NR3C2: variants seen among roughly 807,000 people sequenced by gnomAD.
NR3C2 encodes the protein nuclear receptor subfamily 3 group C member 2, also known as mineralocorticoid receptor.
Under a neutral mutation model 86.4 loss-of-function variants are expected in NR3C2, and 15 were observed. The ratio of observed to expected loss-of-function variants is 0.17; its 90% CI spans 0.12 to 0.27. NR3C2 has a LOEUF of 0.27. NR3C2 is among the 10% of genes least tolerant of loss of function. NR3C2 has a pLI of 1.00. For synonymous variants in NR3C2, 458 were observed against 450.5 expected, an observed-to-expected ratio of 1.02 and a Z score of -0.21; for missense variants, 960 against 1,195.6, an observed-to-expected ratio of 0.80 and a Z score of 2.91.
intron 6 of NR3C2, among the ~76,000 whole-genome samples, chr4:148,131,114 G>A (rs1272714129): frequency 6.6e-6 from 1 of 152,140 alleles, no homozygotes; most frequent in East Asian, 1.9e-4. Flanking sequence ...TTACAGGCGT[G>A]AGTCATCGCG....
chr4:148,442,748 TG>T (rs1750418030), upstream of NR3C2: 1 of 985,248 alleles, frequency 1.0e-6, no homozygotes, highest in Non-Finnish European at 1.2e-6. Flanking sequence ...GGCGGGAGCT[TG>T]GGGTGCCGGG....
intron 2 of NR3C2, among the ~76,000 whole-genome samples, chr4:148,426,070 C>A (rs947573658): frequency 6.6e-6 from 1 of 152,164 alleles, no homozygotes; most frequent in Non-Finnish European, 1.5e-5. Context: ...ATTTCACCTG[C>A]CAAACAAAAT....
chr4:148,211,394 T>A (rs1737275917), intron 3 of NR3C2, among the ~76,000 whole-genome samples: 1 of 152,224 alleles, frequency 6.6e-6, no homozygotes, highest in African/African-American at 2.4e-5. Context: ...AATTTTTCAT[T>A]AGGTGTAAGA....
intron 2 of NR3C2, among the ~76,000 whole-genome samples, chr4:148,281,013 G>A (rs908174725): frequency 6.6e-6 from 1 of 152,212 alleles, no homozygotes; most frequent in African/African-American, 2.4e-5. Flanking sequence ...CGCTCCTTGG[G>A]CTAGAGCTGT....
chr4:148,231,970 C>T (rs1379596656), intron 3 of NR3C2, among the ~76,000 whole-genome samples: 1 of 152,186 alleles, frequency 6.6e-6, no homozygotes, highest in Non-Finnish European at 1.5e-5. Context: ...TCAGTCACAT[C>T]TTCACGGTCC....
intron 3 of NR3C2, among the ~76,000 whole-genome samples, chr4:148,206,827 T>C (rs1737032354): frequency 6.6e-6 from 1 of 152,178 alleles, no homozygotes; most frequent in Non-Finnish European, 1.5e-5. Flanking sequence ...TATGACAGCA[T>C]GAGCTGAAAG....
At chr4:148,164,429 A>G (rs946394474) in intron 4 of NR3C2, among the ~76,000 whole-genome samples, 1 of 152,222 alleles carries the variant, frequency 6.6e-6, no homozygotes. Context: ...ATCTAAATCA[A>G]ATTTACATTC....
chr4:148,285,509 T>A (rs1204614287), intron 2 of NR3C2, among the ~76,000 whole-genome samples: 3 of 152,004 alleles, frequency 2.0e-5, no homozygotes, highest in Non-Finnish European at 4.4e-5. Context: ...GAGATTGAGA[T>A]CATCCTGGCC....
At chr4:148,328,082 G>T (rs1408595889) in intron 2 of NR3C2, among the ~76,000 whole-genome samples, 1 of 152,192 alleles carries the variant, frequency 6.6e-6, no homozygotes, top group Admixed American at 6.5e-5. Flanking sequence ...CCGGCTTGCT[G>T]CCAGGACTCT....
chr4:148,311,156 C>T (rs1717742330), intron 2 of NR3C2, among the ~76,000 whole-genome samples: 3 of 152,144 alleles, frequency 2.0e-5, no homozygotes, highest in African/African-American at 7.2e-5. Flanking sequence ...CTTATCTTCC[C>T]AGTGGGTTGA....
intron 2 of NR3C2, among the ~76,000 whole-genome samples, chr4:148,348,446 T>C (rs1342696736): frequency 6.6e-6 from 1 of 152,170 alleles, no homozygotes; most frequent in Non-Finnish European, 1.5e-5. Context: ...GCTCAGAAAA[T>C]ATTAGTAGAA....
intron 4 of NR3C2, among the ~76,000 whole-genome samples, chr4:148,167,784 A>G (rs1295826695): frequency 6.6e-6 from 1 of 152,222 alleles, no homozygotes; most frequent in Non-Finnish European, 1.5e-5. Context: ...TGTTAAGCGA[A>G]ATGGAAAGAG....
chr4:148,430,571 T>C (rs982698880), intron 2 of NR3C2, among the ~76,000 whole-genome samples: 1 of 152,114 alleles, frequency 6.6e-6, no homozygotes, highest in Non-Finnish European at 1.5e-5. Flanking sequence ...AAAATCAAAA[T>C]ATTATGAGAC....
In NR3C2 at chr4:148,248,796, AT is replaced by A. The variant is rs1296584517; in HGVS notation, c.1897+11181del. On this transcript the variant is annotated intron_variant, in intron 3 of 8. Transcript: ENST00000358102. Reference sequence around the variant, plus strand: ...TGTACATAAAGTAGCCACAGTTTAAATATTCCAAATTTTATTGAGAACCAAG... The same window carrying A: ...TGTACATAAAGTAGCCACAGTTTAAAATTCCAAATTTTATTGAGAACCAAG... Among the ~76,000 whole-genome samples, 3 of 152,228 alleles carry A rather than the reference AT, an allele frequency of 2.0e-5. No individual in the cohort carries two copies. In the East Asian group the frequency reaches 5.8e-4, roughly 29 times the overall value.
chr4:148,118,728 T>A (rs1732380399), intron 7 of NR3C2, among the ~76,000 whole-genome samples: 1 of 152,132 alleles, frequency 6.6e-6, no homozygotes, highest in African/African-American at 2.4e-5. Flanking sequence ...GATGTTAACA[T>A]ATTCCTATTA....
At chr4:148,207,087 A>AT (rs566533443) in intron 3 of NR3C2, among the ~76,000 whole-genome samples, 8 of 151,708 alleles carry the variant, frequency 5.3e-5, no homozygotes, top group Admixed American at 2.6e-4. Flanking sequence ...ATGCCTGGCA[A>AT]TTTTTTTTGA....
At chr4:148,318,703 G>A (rs1466614939) in intron 2 of NR3C2, among the ~76,000 whole-genome samples, 11 of 151,096 alleles carry the variant, frequency 7.3e-5, no homozygotes, top group Admixed American at 4.6e-4. Context: ...CATGTCCTTC[G>A]CCCACTTTTT....
chr4:148,318,511 A>G (rs1253895836), intron 2 of NR3C2, among the ~76,000 whole-genome samples: 9 of 150,002 alleles, frequency 6.0e-5, no homozygotes, highest in Non-Finnish European at 1.0e-4. Flanking sequence ...AAGTGTTCCT[A>G]TTTCTCCACA....
intron 2 of NR3C2, among the ~76,000 whole-genome samples, chr4:148,364,546 C>T (rs4835516): frequency 0.1 from 15,637 of 152,270 alleles, 971 homozygotes; most frequent in Middle Eastern, 0.29. Flanking sequence ...ATATTAGATG[C>T]CTCTTAACAA....
Sources: allele counts gnomAD v4.1 joint callset (sites outside exome capture counted in the v4.1 genomes callset), GRCh38; gene constraint gnomAD v4.1.1; transcripts MANE v1.5; gene names NCBI Gene and HGNC (gene_info 2026-07-23, HGNC 2026-07-21).